JAKMIP3: variants seen among roughly 807,000 people sequenced by gnomAD.
The protein encoded by JAKMIP3 is janus kinase and microtubule-interacting protein 3.
In JAKMIP3, 58 loss-of-function variants were observed where a neutral mutation model predicts 118.5. The observed-to-expected ratio is 0.49, with a 90% CI of 0.40 to 0.61. The LOEUF (loss-of-function observed/expected upper bound fraction) is 0.61. Among genes scored for constraint, JAKMIP3 ranks in the 20% least tolerant of loss-of-function variants. The probability of loss-of-function intolerance (pLI) is 0.00; values close to 1 mark genes in which losing one functional copy is unlikely to be tolerated. For missense variants in JAKMIP3, 950 were observed against 1,109.0 expected (o/e 0.86, Z 2.04); for synonymous variants, 486 against 451.2 (o/e 1.08, Z -0.98).
At chr10:132,171,652 C>CTTTTTTT (rs34371364) in intron 23 of JAKMIP3, among the ~76,000 whole-genome samples, 3 of 135,760 alleles carry the variant, frequency 2.2e-5, no homozygotes, top group African/African-American at 8.3e-5. Context: ...TTTTTTCTTT[C>CTTTTTTT]TTTTTTTTTT....
intron 9 of JAKMIP3, among the ~76,000 whole-genome samples, chr10:132,139,822 G>C (rs1446829069): frequency 6.6e-6 from 1 of 152,164 alleles, no homozygotes; most frequent in Non-Finnish European, 1.5e-5. Flanking sequence ...GAACTGGGAG[G>C]AGACCTGGAG....
intron 1 of JAKMIP3, among the ~76,000 whole-genome samples, chr10:132,073,040 A>T (rs2040218323): frequency 6.6e-6 from 1 of 152,200 alleles, no homozygotes; most frequent in South Asian, 2.1e-4. Context: ...ATTCAGGATA[A>T]TAGCCTCTAG....
At chr10:132,133,591 A>T in intron 4 of JAKMIP3, 64 bp downstream of exon 4, 2 of 1,416,622 alleles carry the variant, frequency 1.4e-6, no homozygotes, top group Non-Finnish European at 1.9e-6. Context: ...ATGTGGCTGC[A>T]TGGCCCTGCA....
At chr10:132,148,809 G>GA (rs2055212467) in intron 14 of JAKMIP3, among the ~76,000 whole-genome samples, 1 of 152,206 alleles carries the variant, frequency 6.6e-6, no homozygotes, top group East Asian at 1.9e-4. Flanking sequence ...GGGCTGGGAG[G>GA]AAGTGGCCCA....
Position 132,117,326 on chromosome 10 carries a change from GA to G in JAKMIP3, c.389del (p.Lys130ArgfsTer43). The stretch of plus-strand genomic sequence containing the variant: ...CAGTGCCCTGCGTGATGGCGGCCCC[GA>G]AAAGGTCAAGACCGTGCTGCTGTCC... ...LLSALRDGGP[E>X]KVKTVLLSEA... On this transcript the variant is annotated frameshift_variant, in exon 3 of 24. Coordinates refer to ENST00000684848, the MANE Select transcript of JAKMIP3 (RefSeq NM_001323087.2). This position sits in a 1 kb window ranked among gnomAD's most constrained non-coding sequence, Gnocchi z 8.6. 6.2e-7 allele frequency: 1 copy of G among 1,613,994 alleles called. No homozygotes were observed. Among genetic ancestry groups the G allele is most frequent in the Non-Finnish European group, 8.5e-7 (1 of 1,179,898 alleles).
At chr10:132,157,061 A>G (rs1160601564) in intron 19 of JAKMIP3, among the ~76,000 whole-genome samples, 2 of 152,112 alleles carry the variant, frequency 1.3e-5, no homozygotes, top group African/African-American at 2.4e-5. Context: ...CGCGGTCCCC[A>G]TGCTTATCTG....
Position 132,137,012 on chromosome 10 carries a change from G to A in JAKMIP3, c.1117-7G>A, listed in dbSNP as rs774777576. 4.5e-5 allele frequency: 73 copies of A among 1,612,534 alleles called. No individual in the cohort carries two copies. The highest frequency in any genetic ancestry group is 6.7e-5 in the African/African-American group (5 of 74,888). On this transcript the variant is annotated splice_region_variant and splice_polypyrimidine_tract_variant and intron_variant, in intron 6 of 23. Coordinates refer to ENST00000684848, the MANE Select transcript of JAKMIP3 (RefSeq NM_001323087.2). ...CAACTTGTGATGTGGGCTGCTTGGCGTTTCAGAGACAGAGAGCTGGAATCA... is the reference window on the plus strand; with the variant it reads ...CAACTTGTGATGTGGGCTGCTTGGCATTTCAGAGACAGAGAGCTGGAATCA...
At chr10:132,041,748 G>A (rs553232388) in intron 1 of JAKMIP3, among the ~76,000 whole-genome samples, 43 of 152,324 alleles carry the variant, frequency 2.8e-4, no homozygotes, top group African/African-American at 9.6e-4. Context: ...CTGAACTGTC[G>A]CGTGGCCAGC....
intron 1 of JAKMIP3, among the ~76,000 whole-genome samples, chr10:132,048,667 CTTTT>C (rs35729418): frequency 5.4e-5 from 7 of 129,800 alleles, no homozygotes; most frequent in East Asian, 2.4e-4. Flanking sequence ...TGTTTCTTTT[CTTTT>C]TTTTTTTTTT....
Position 132,153,646 on chromosome 10 carries a change from A to AT in JAKMIP3, c.2074-113_2074-112insT, listed in dbSNP as rs985757000. 2.9e-6 allele frequency: 3 copies of AT among 1,018,316 alleles called. No individual in the cohort carries two copies. In the African/African-American group the frequency reaches 4.7e-5, roughly 16 times the overall value. The allele number at this position is 1,018,316 out of a possible 1,614,324, so 63.1% of individuals were successfully genotyped here. A position where few individuals can be genotyped will look rare whatever the true frequency, so the allele number is the denominator to read the frequency against. On this transcript the variant is annotated intron_variant, in intron 17 of 23. Transcript: ENST00000684848. Reference sequence around the variant, plus strand: ...GAGAGGGCTGTGCTCTCCCCTCCCTAAGGAGAAGAGGAAGGAAGACCCAGG... The same window carrying AT: ...GAGAGGGCTGTGCTCTCCCCTCCCTATAGGAGAAGAGGAAGGAAGACCCAGG...
At chr10:132,102,874 AG>A (rs1051437862) in intron 1 of JAKMIP3, among the ~76,000 whole-genome samples, 1 of 151,178 alleles carries the variant, frequency 6.6e-6, no homozygotes, top group African/African-American at 2.4e-5. Flanking sequence ...ATGCAGGAGT[AG>A]GGGGGGAGGG....
At chr10:132,135,901 G>T in intron 5 of JAKMIP3, 29 bp from the exon 6 acceptor site, 1 of 1,598,696 alleles carries the variant, frequency 6.3e-7, no homozygotes, top group Non-Finnish European at 8.5e-7. Flanking sequence ...GTCACTTAAA[G>T]AACAATCACA....
chr10:132,078,624 G>GGGT (rs1554920984), intron 1 of JAKMIP3, among the ~76,000 whole-genome samples: 1 of 112,676 alleles, frequency 8.9e-6, no homozygotes, highest in African/African-American at 3.8e-5. Context: ...GGGGGCGGGG[G>GGGT]GGGGGGGGGG....
intron 11 of JAKMIP3, 81 bp downstream of exon 11, chr10:132,142,129 C>A (rs1434998520): frequency 7.0e-6 from 10 of 1,434,618 alleles, no homozygotes; most frequent in Middle Eastern, 2.3e-4. Flanking sequence ...GGACACCCCC[C>A]TCACTAGCCC....
intron 3 of JAKMIP3, among the ~76,000 whole-genome samples, chr10:132,124,605 C>G (rs1024459793): frequency 2.6e-5 from 4 of 151,906 alleles, no homozygotes; most frequent in African/African-American, 9.7e-5. Context: ...CACATCACAG[C>G]CGAGCCAGCC....
upstream of JAKMIP3, among the ~76,000 whole-genome samples, chr10:132,063,544 G>A (rs1021174289): frequency 1.3e-5 from 2 of 152,202 alleles, no homozygotes; most frequent in African/African-American, 4.8e-5. Flanking sequence ...TTAAAGAGCA[G>A]GCTGCTCCCT....
intron 1 of JAKMIP3, among the ~76,000 whole-genome samples, chr10:132,043,215 A>C (rs1463767868): frequency 6.6e-6 from 1 of 151,706 alleles, no homozygotes; most frequent in African/African-American, 2.4e-5. Context: ...TTACTTTTTA[A>C]TTTTTTTCTT....
chr10:132,148,474 G>A (rs996977557), intron 14 of JAKMIP3, among the ~76,000 whole-genome samples: 5 of 95,470 alleles, frequency 5.2e-5, no homozygotes, highest in South Asian at 4.0e-4. Flanking sequence ...CCATCCGCCC[G>A]TCCTCCATCC....
intron 1 of JAKMIP3, among the ~76,000 whole-genome samples, chr10:132,046,855 C>T (rs993678282): frequency 3.3e-5 from 5 of 152,054 alleles, no homozygotes; most frequent in Non-Finnish European, 7.4e-5. Flanking sequence ...TTAAAGTTGC[C>T]CTTAATATAC....
Sources: allele counts gnomAD v4.1 joint callset (sites outside exome capture counted in the v4.1 genomes callset), GRCh38; gene constraint gnomAD v4.1.1; non-coding constraint Gnocchi (gnomAD v3.1); transcripts MANE v1.5; gene names NCBI Gene and HGNC (gene_info 2026-07-23, HGNC 2026-07-21).